The following LRMDA variants were observed in gnomAD, a reference collection of about 807,000 sequenced individuals.
LRMDA encodes the protein leucine-rich melanocyte differentiation-associated protein.
Under a neutral mutation model 29.8 loss-of-function variants are expected in LRMDA, and 18 were observed. The observed-to-expected ratio is 0.60, with a 90% CI of 0.42 to 0.90. The LOEUF (loss-of-function observed/expected upper bound fraction) is 0.90. Ranked by LOEUF, LRMDA falls within the 40% of genes least tolerant of loss-of-function variation. The pLI is 0.00. For missense variants in LRMDA, 273 were observed against 273.9 expected (o/e 1.00, Z 0.02); for synonymous variants, 125 against 109.4 (o/e 1.14, Z -0.89).
At chr10:75,910,412 A>G (rs924712853) in intron 2 of LRMDA, among the ~76,000 whole-genome samples, 1 of 152,220 alleles carries the variant, frequency 6.6e-6, no homozygotes, top group Non-Finnish European at 1.5e-5. Context: ...AAAAATGTCT[A>G]GGGAAAAATA....
At chr10:76,245,214 C>T (rs1013536890) in intron 5 of LRMDA, among the ~76,000 whole-genome samples, 1 of 152,122 alleles carries the variant, frequency 6.6e-6, no homozygotes, top group Non-Finnish European at 1.5e-5. Flanking sequence ...GGGCTTCATC[C>T]GTCATCCAGG....
intron 2 of LRMDA, among the ~76,000 whole-genome samples, chr10:75,758,493 C>T (rs1177996950): frequency 6.6e-6 from 1 of 152,190 alleles, no homozygotes; most frequent in Admixed American, 6.5e-5. Context: ...ACTGTATTAT[C>T]GTTCTAGTAG....
chr10:76,330,564 A>G (rs1840892456), intron 6 of LRMDA, among the ~76,000 whole-genome samples: 1 of 152,138 alleles, frequency 6.6e-6, no homozygotes, highest in African/African-American at 2.4e-5. Context: ...CGATGACCCC[A>G]CTTAGGGAAG....
At chr10:76,029,777 G>A (rs1273769018) in intron 2 of LRMDA, among the ~76,000 whole-genome samples, 1 of 152,136 alleles carries the variant, frequency 6.6e-6, no homozygotes, top group Non-Finnish European at 1.5e-5. Flanking sequence ...TTGGATTCAG[G>A]TCTCTCAGAT....
At chr10:76,301,066 T>TC (rs1321050770) in intron 5 of LRMDA, among the ~76,000 whole-genome samples, 1 of 152,216 alleles carries the variant, frequency 6.6e-6, no homozygotes, top group Non-Finnish European at 1.5e-5. Context: ...TTGTTTTTTT[T>TC]CCTTCTGGTT....
chr10:75,626,502 G>A (rs1841251739), intron 2 of LRMDA, among the ~76,000 whole-genome samples: 1 of 152,216 alleles, frequency 6.6e-6, no homozygotes, highest in African/African-American at 2.4e-5. Context: ...TTGACCTCAG[G>A]CTGGGGTGAC....
chr10:75,813,973 T>C (rs931992629), intron 2 of LRMDA, among the ~76,000 whole-genome samples: 2 of 152,252 alleles, frequency 1.3e-5, no homozygotes, highest in Non-Finnish European at 2.9e-5. Flanking sequence ...TTCCAGCCAA[T>C]AAATCCATTT....
chr10:75,733,221 A>G (rs895561783), intron 2 of LRMDA, among the ~76,000 whole-genome samples: 2 of 152,232 alleles, frequency 1.3e-5, no homozygotes, highest in Non-Finnish European at 2.9e-5. Flanking sequence ...CATCAAAGAG[A>G]ACATGCATAG....
At chr10:75,608,106 G>GTATATATATATATATATATATA in intron 2 of LRMDA, among the ~76,000 whole-genome samples, 1 of 49,798 alleles carries the variant, frequency 2.0e-5, no homozygotes, top group African/African-American at 6.1e-5. Context: ...AAATTGTAGT[G>GTATATATATATATATATATATA]TGTGTATATA....
chr10:75,690,671 T>C (rs1018340006), intron 2 of LRMDA, among the ~76,000 whole-genome samples: 6 of 151,920 alleles, frequency 3.9e-5, no homozygotes, highest in Non-Finnish European at 7.4e-5. Context: ...GAAATATATC[T>C]TTTTGGCTGA....
At chr10:76,436,702 A>G (rs1199043409) in intron 6 of LRMDA, among the ~76,000 whole-genome samples, 1 of 152,194 alleles carries the variant, frequency 6.6e-6, no homozygotes, top group Non-Finnish European at 1.5e-5. Flanking sequence ...ATATACAGGG[A>G]CATTTCTAAA....
At chr10:75,929,180 G>A (rs1389503693) in intron 2 of LRMDA, among the ~76,000 whole-genome samples, 1 of 152,082 alleles carries the variant, frequency 6.6e-6, no homozygotes, top group Non-Finnish European at 1.5e-5. Context: ...CACAAGGTAG[G>A]GTGTGACCAG....
At chr10:75,911,112 C>A (rs1331177414) in intron 2 of LRMDA, among the ~76,000 whole-genome samples, 1 of 152,046 alleles carries the variant, frequency 6.6e-6, no homozygotes, top group Non-Finnish European at 1.5e-5. Context: ...GTCTGGTGTC[C>A]TAGGAGAGTA....
At chr10:76,354,560 AGCT>A (rs1326704170) in intron 6 of LRMDA, among the ~76,000 whole-genome samples, 1 of 152,202 alleles carries the variant, frequency 6.6e-6, no homozygotes, top group African/African-American at 2.4e-5. Context: ...GACAGTAGCC[AGCT>A]GCTTCCTGGT....
chr10:75,988,201 A>G (rs1477402855), intron 2 of LRMDA, among the ~76,000 whole-genome samples: 1 of 152,114 alleles, frequency 6.6e-6, no homozygotes, highest in Non-Finnish European at 1.5e-5. Context: ...CATTTTTAAT[A>G]AAGAGACAGA....
chr10:75,917,958 T>TGC (rs937329120), intron 2 of LRMDA, among the ~76,000 whole-genome samples: 3 of 115,930 alleles, frequency 2.6e-5, no homozygotes, highest in Non-Finnish European at 4.8e-5. Flanking sequence ...CATGCACATG[T>TGC]GCGCACACAC....
At chr10:75,627,470 C>A (rs2132110499) in intron 2 of LRMDA, among the ~76,000 whole-genome samples, 1 of 152,222 alleles carries the variant, frequency 6.6e-6, no homozygotes, top group South Asian at 2.1e-4. Context: ...AGTTTTGCTT[C>A]ATGTTTGGGA....
chr10:75,600,494 C>G (rs574000258), intron 2 of LRMDA, among the ~76,000 whole-genome samples: 1 of 152,252 alleles, frequency 6.6e-6, no homozygotes, highest in East Asian at 1.9e-4. Flanking sequence ...TATAAACAAG[C>G]CTTTGTTATT....
intron 5 of LRMDA, among the ~76,000 whole-genome samples, chr10:76,197,418 A>G (rs1028980811): frequency 1.6e-4 from 24 of 152,174 alleles, no homozygotes; most frequent in African/African-American, 5.5e-4. Flanking sequence ...GATTCATACA[A>G]ACTAGCGGTT....
Sources: allele counts gnomAD v4.1 joint callset (sites outside exome capture counted in the v4.1 genomes callset), GRCh38; gene constraint gnomAD v4.1.1; transcripts MANE v1.5; gene names NCBI Gene and HGNC (gene_info 2026-07-23, HGNC 2026-07-21).